Variants in OCA2 observed in about 807,000 individuals in gnomAD.
OCA2 encodes P protein.
OCA2 carries 77 observed loss-of-function variants against 100.2 expected under a neutral mutation model. The observed-to-expected ratio is 0.77, with a 90% CI of 0.64 to 0.93. The LOEUF is 0.93. Ranked by LOEUF, OCA2 falls within the 40% of genes least tolerant of loss-of-function variation. OCA2 has a pLI of 0.00. For synonymous variants in OCA2, 432 were observed against 439.2 expected (o/e 0.98, Z 0.21); for missense variants, 1,062 against 1,089.1 (o/e 0.98, Z 0.35).
the OCA2 span, among the ~76,000 whole-genome samples, chr15:27,749,496 T>A: frequency 6.6e-6 from 1 of 152,036 alleles, no homozygotes; most frequent in Admixed American, 6.5e-5. Flanking sequence ...GCCACCAGAA[T>A]AAGGCAAAAA....
chr15:27,856,062 A>T (rs768545), intron 21 of OCA2, among the ~76,000 whole-genome samples: 2 of 152,062 alleles, frequency 1.3e-5, no homozygotes. Flanking sequence ...TCCTTGCCCC[A>T]CTGGTGTCTG....
At chr15:27,828,368 C>T (rs1438372211) in intron 23 of OCA2, among the ~76,000 whole-genome samples, 1 of 152,218 alleles carries the variant, frequency 6.6e-6, no homozygotes, top group Non-Finnish European at 1.5e-5. Context: ...TCCCTAGCTA[C>T]TGTGGGGCTC....
At chr15:28,089,061 GGGAT>G (rs1402812123) in intron 1 of OCA2, among the ~76,000 whole-genome samples, 1 of 152,166 alleles carries the variant, frequency 6.6e-6, no homozygotes, top group Non-Finnish European at 1.5e-5. Flanking sequence ...CTCTTTCTCA[GGGAT>G]GTTCCTTGCT....
intron 23 of OCA2, among the ~76,000 whole-genome samples, chr15:27,769,802 G>A (rs545508793): frequency 1.3e-5 from 2 of 150,406 alleles, no homozygotes; most frequent in Admixed American, 6.6e-5. Context: ...CAAGCCGCCC[G>A]GGCACGGAGG....
intron 15 of OCA2, among the ~76,000 whole-genome samples, chr15:27,960,881 G>C (rs553435452): frequency 3.4e-5 from 5 of 146,732 alleles, no homozygotes; most frequent in African/African-American, 1.3e-4. Context: ...TCCAGCCTGG[G>C]CATGACAGAG....
the OCA2 span, among the ~76,000 whole-genome samples, chr15:27,745,918 G>A: frequency 9.9e-5 from 15 of 152,272 alleles, no homozygotes; most frequent in African/African-American, 3.6e-4. Flanking sequence ...TGACTTGGAA[G>A]CCCCCTGCTT....
chr15:27,893,523 C>T (rs991430554), intron 19 of OCA2, among the ~76,000 whole-genome samples: 1 of 152,130 alleles, frequency 6.6e-6, no homozygotes, highest in African/African-American at 2.4e-5. Context: ...AAATATATCA[C>T]TAAATTCTTT....
intron 18 of OCA2, among the ~76,000 whole-genome samples, chr15:27,937,531 A>T (rs2039499886): frequency 6.6e-6 from 1 of 152,234 alleles, no homozygotes; most frequent in Non-Finnish European, 1.5e-5. Flanking sequence ...GCAATGCATG[A>T]CACTTCCTAC....
chr15:27,827,060 G>A (rs892374822), intron 23 of OCA2, among the ~76,000 whole-genome samples: 3 of 152,204 alleles, frequency 2.0e-5, no homozygotes, highest in East Asian at 3.9e-4. Flanking sequence ...AGCCACCAGC[G>A]TGAGACAGTA....
intron 6 of OCA2, among the ~76,000 whole-genome samples, chr15:28,020,096 G>A (rs573593913): frequency 1.3e-5 from 2 of 152,116 alleles, no homozygotes; most frequent in African/African-American, 2.4e-5. Context: ...AGGCCACACA[G>A]GGAGCAGGCG....
chr15:27,777,659 C>G (rs1033577139), intron 23 of OCA2, among the ~76,000 whole-genome samples: 1 of 152,204 alleles, frequency 6.6e-6, no homozygotes, highest in Non-Finnish European at 1.5e-5. Context: ...TCTTTACCAT[C>G]AGGGGCTTAT....
At chr15:27,842,633 A>G (rs1334499095) in intron 23 of OCA2, among the ~76,000 whole-genome samples, 1 of 152,202 alleles carries the variant, frequency 6.6e-6, no homozygotes, top group Non-Finnish European at 1.5e-5. Context: ...AAGAACTGGA[A>G]CCAGGCAAAA....
chr15:27,750,055 A>C (rs1222919422), downstream of OCA2, among the ~76,000 whole-genome samples: 3 of 152,074 alleles, frequency 2.0e-5, no homozygotes, highest in Non-Finnish European at 4.4e-5. Context: ...GGGAAGAATC[A>C]CTCTATCTCC....
the OCA2 span, among the ~76,000 whole-genome samples, chr15:27,739,603 G>T: frequency 6.6e-6 from 1 of 151,746 alleles, no homozygotes; most frequent in Non-Finnish European, 1.5e-5. Flanking sequence ...CCACCACCAT[G>T]CCTGGCTAAT....
At chr15:27,851,536 G>A (rs1162538246) in intron 21 of OCA2, 61 bp from the exon 22 acceptor site, 3 of 1,329,260 alleles carry the variant, frequency 2.3e-6, no homozygotes, top group African/African-American at 2.9e-5. Context: ...CTGCCATACT[G>A]TGACCAATTT....
chr15:27,782,904 C>G (rs933748419), intron 23 of OCA2, among the ~76,000 whole-genome samples: 1 of 152,230 alleles, frequency 6.6e-6, no homozygotes, highest in South Asian at 2.1e-4. Flanking sequence ...CAATAAACAG[C>G]TTCACTAACA....
At chr15:27,788,507 T>G (rs1382857626) in intron 23 of OCA2, among the ~76,000 whole-genome samples, 1 of 152,138 alleles carries the variant, frequency 6.6e-6, no homozygotes, top group Non-Finnish European at 1.5e-5. Flanking sequence ...GACATTTGTA[T>G]AGCCATTTCA....
intron 1 of OCA2, among the ~76,000 whole-genome samples, chr15:28,092,116 C>A (rs889645452): frequency 2.0e-5 from 3 of 152,112 alleles, no homozygotes; most frequent in Admixed American, 2.0e-4. Flanking sequence ...AAGCTAGTCA[C>A]AAAAGGCCAC....
At chr15:27,735,363 A>T in the OCA2 span, among the ~76,000 whole-genome samples, 1 of 152,194 alleles carries the variant, frequency 6.6e-6, no homozygotes, top group Non-Finnish European at 1.5e-5. Context: ...AAGCTTACAA[A>T]ATTTATAGGA....
Sources: allele counts gnomAD v4.1 joint callset (sites outside exome capture counted in the v4.1 genomes callset), GRCh38; gene constraint gnomAD v4.1.1; transcripts MANE v1.5; gene names NCBI Gene and HGNC (gene_info 2026-07-23, HGNC 2026-07-21).